CDH8: variants seen among roughly 807,000 people sequenced by gnomAD.
CDH8 encodes the protein cadherin 8.
Under a neutral mutation model 68.1 loss-of-function variants are expected in CDH8, and 17 were observed. That is an observed-to-expected ratio of 0.25 (90% CI 0.17 to 0.37). The LOEUF is 0.37. Among genes scored for constraint, CDH8 ranks in the 10% least tolerant of loss-of-function variants. The pLI is 1.00. For missense variants in CDH8, 763 were observed against 999.3 expected, an observed-to-expected ratio of 0.76 and a Z score of 3.19; for synonymous variants, 372 against 365.1, an observed-to-expected ratio of 1.02 and a Z score of -0.21.
At chr16:61,863,765 TCTA>T (rs1963198871) in intron 3 of CDH8, among the ~76,000 whole-genome samples, 2 of 152,172 alleles carry the variant, frequency 1.3e-5, no homozygotes, top group African/African-American at 4.8e-5. Flanking sequence ...TTCTTGGTCT[TCTA>T]CTATGCTCTT....
chr16:61,731,861 A>G (rs1307970470), intron 8 of CDH8, among the ~76,000 whole-genome samples: 2 of 151,832 alleles, frequency 1.3e-5, no homozygotes, highest in Non-Finnish European at 1.5e-5. Context: ...GGCATAATTA[A>G]ATATGTAAAT....
At chr16:61,954,905 T>G (rs1422340493) in intron 2 of CDH8, among the ~76,000 whole-genome samples, 2 of 152,182 alleles carry the variant, frequency 1.3e-5, no homozygotes, top group Non-Finnish European at 2.9e-5. Flanking sequence ...ATATAAACTC[T>G]GCTTTGTAGC....
intron 8 of CDH8, among the ~76,000 whole-genome samples, chr16:61,746,221 G>A (rs2142935791): frequency 6.6e-6 from 1 of 152,126 alleles, no homozygotes; most frequent in East Asian, 1.9e-4. Flanking sequence ...TTTGCTCTGT[G>A]ACCTTGGCCT....
At chr16:61,789,267 G>C (rs1961320588) in intron 8 of CDH8, 79 bp downstream of exon 8, 2 of 1,305,780 alleles carry the variant, frequency 1.5e-6, no homozygotes, top group Admixed American at 4.1e-5. Flanking sequence ...ACAGAAACAG[G>C]GGCTGCTTAT....
chr16:61,808,244 G>C (rs1243283404), intron 7 of CDH8, among the ~76,000 whole-genome samples: 1 of 152,140 alleles, frequency 6.6e-6, no homozygotes, highest in Non-Finnish European at 1.5e-5. Context: ...TGTGTGAAGA[G>C]ATTACAGTGA....
chr16:62,001,821 C>T (rs966997160), intron 2 of CDH8, among the ~76,000 whole-genome samples: 1 of 152,120 alleles, frequency 6.6e-6, no homozygotes, highest in African/African-American at 2.4e-5. Context: ...TCCCTTCCCC[C>T]TCGCCCTCCA....
chr16:61,960,648 T>C (rs1175267099), intron 2 of CDH8, among the ~76,000 whole-genome samples: 1 of 152,150 alleles, frequency 6.6e-6, no homozygotes, highest in Non-Finnish European at 1.5e-5. Context: ...GAATTATTGC[T>C]AATTCAGAGC....
chr16:61,858,390 T>G (rs2143016305), intron 3 of CDH8, among the ~76,000 whole-genome samples: 2 of 152,238 alleles, frequency 1.3e-5, no homozygotes, highest in East Asian at 3.9e-4. Context: ...TGGGAACTCC[T>G]GAAAATGGAA....
At chr16:62,001,264 A>G (rs1345692733) in intron 2 of CDH8, among the ~76,000 whole-genome samples, 1 of 152,190 alleles carries the variant, frequency 6.6e-6, no homozygotes, top group Non-Finnish European at 1.5e-5. Context: ...GTTAGAGTTA[A>G]TCAAATAGCA....
chr16:61,675,235 G>T (rs984421004), intron 10 of CDH8, among the ~76,000 whole-genome samples: 2 of 151,930 alleles, frequency 1.3e-5, no homozygotes, highest in Non-Finnish European at 2.9e-5. Flanking sequence ...TTAAGAAAAT[G>T]TGGCACATAT....
At chr16:61,858,268 G>A (rs1452916282) in intron 3 of CDH8, among the ~76,000 whole-genome samples, 7 of 152,140 alleles carry the variant, frequency 4.6e-5, no homozygotes, top group Non-Finnish European at 1.0e-4. Flanking sequence ...AACAGAGGTT[G>A]CCTTTGAGTT....
chr16:61,666,976 T>C (rs1377765563), intron 10 of CDH8, among the ~76,000 whole-genome samples: 1 of 152,050 alleles, frequency 6.6e-6, no homozygotes, highest in Non-Finnish European at 1.5e-5. Flanking sequence ...ATGAGTCTTG[T>C]TGGAAACAGT....
At chr16:61,868,935 G>A (rs780279400) in intron 3 of CDH8, among the ~76,000 whole-genome samples, 1 of 152,106 alleles carries the variant, frequency 6.6e-6, no homozygotes, top group Non-Finnish European at 1.5e-5. Context: ...CAAATTGGGA[G>A]GATGAAAAGA....
chr16:61,660,763 C>T (rs1307363924), intron 10 of CDH8, among the ~76,000 whole-genome samples: 2 of 151,928 alleles, frequency 1.3e-5, no homozygotes, highest in Non-Finnish European at 2.9e-5. Context: ...CGTGGGATAA[C>T]ATATTCAAAA....
intron 8 of CDH8, among the ~76,000 whole-genome samples, chr16:61,736,114 AG>A (rs1337043010): frequency 0.13 from 18,424 of 139,136 alleles, 1,359 homozygotes; most frequent in Non-Finnish European, 0.17. Flanking sequence ...AAAGAAAGAA[AG>A]GAAGGAAGGA....
At chr16:61,714,009 G>A in intron 9 of CDH8, 51 bp from the exon 10 acceptor site, 1 of 1,070,838 alleles carries the variant, frequency 9.3e-7, no homozygotes, top group Non-Finnish European at 1.5e-6. Flanking sequence ...AGAGGCTCCT[G>A]CCATCGGTAA....
intron 2 of CDH8, among the ~76,000 whole-genome samples, chr16:61,976,829 T>C (rs1302629817): frequency 6.6e-6 from 1 of 152,170 alleles, no homozygotes; most frequent in African/African-American, 2.4e-5. Flanking sequence ...TTAAGCATAA[T>C]CCCTTGTTAT....
At chr16:61,817,204 T>G (rs1269462287) in intron 7 of CDH8, among the ~76,000 whole-genome samples, 1 of 152,082 alleles carries the variant, frequency 6.6e-6, no homozygotes, top group African/African-American at 2.4e-5. Flanking sequence ...ATTTGCAACT[T>G]TGCATTTTCA....
At chr16:62,027,080 T>C (rs1902214141) in intron 1 of CDH8, among the ~76,000 whole-genome samples, 1 of 152,212 alleles carries the variant, frequency 6.6e-6, no homozygotes, top group South Asian at 2.1e-4. Flanking sequence ...CAATCTACTT[T>C]ATTATAATGC....
Sources: allele counts gnomAD v4.1 joint callset (sites outside exome capture counted in the v4.1 genomes callset), GRCh38; gene constraint gnomAD v4.1.1; transcripts MANE v1.5; gene names NCBI Gene and HGNC (gene_info 2026-07-23, HGNC 2026-07-21).